Variants in MAF observed in about 807,000 individuals in gnomAD.
The protein encoded by MAF is transcription factor Maf.
A neutral mutation model predicts 22.0 loss-of-function variants in MAF; 10 were observed. The observed-to-expected ratio is 0.45, with a 90% CI of 0.28 to 0.77. MAF has a LOEUF of 0.77. MAF is among the 30% of genes least tolerant of loss of function. The probability of loss-of-function intolerance (pLI) is 0.12; values close to 1 mark genes in which losing one functional copy is unlikely to be tolerated. For synonymous variants in MAF, 337 were observed against 255.8 expected, an observed-to-expected ratio of 1.32 and a Z score of -3.03; for missense variants, 544 against 548.4, an observed-to-expected ratio of 0.99 and a Z score of 0.08.
the MAF span, among the ~76,000 whole-genome samples, chr16:79,533,717 C>T: frequency 6.6e-6 from 1 of 152,120 alleles, no homozygotes; most frequent in Non-Finnish European, 1.5e-5. Context: ...ACCTTTATTT[C>T]AATACCAGTG....
At chr16:79,262,112 G>A in the MAF span, among the ~76,000 whole-genome samples, 7 of 152,122 alleles carry the variant, frequency 4.6e-5, no homozygotes, top group East Asian at 1.9e-4. Context: ...AGTCCCTTCC[G>A]TGTACCACTC....
chr16:79,590,046 A>G (rs376042175), downstream of MAF, among the ~76,000 whole-genome samples: 9 of 152,054 alleles, frequency 5.9e-5, no homozygotes, highest in Admixed American at 3.3e-4. Flanking sequence ...CTGCGCACCT[A>G]CTGTACGCCC....
chr16:79,330,602 G>A, the MAF span, among the ~76,000 whole-genome samples: 739 of 152,316 alleles, frequency 4.9e-3, 11 homozygotes, highest in African/African-American at 0.017. Context: ...AAAGACAGAG[G>A]TCAAGGCAGA....
At chr16:79,502,334 C>T in the MAF span, among the ~76,000 whole-genome samples, 2 of 152,074 alleles carry the variant, frequency 1.3e-5, no homozygotes, top group Non-Finnish European at 2.9e-5. Context: ...TCTGTTTTAC[C>T]GAACTCTTAA....
chr16:79,296,106 T>C, the MAF span, among the ~76,000 whole-genome samples: 1 of 152,240 alleles, frequency 6.6e-6, no homozygotes, highest in Non-Finnish European at 1.5e-5. Context: ...TCGTCTCACT[T>C]GCTCTTTCTT....
At chr16:79,267,529 T>A in the MAF span, among the ~76,000 whole-genome samples, 4 of 152,104 alleles carry the variant, frequency 2.6e-5, no homozygotes. Flanking sequence ...GTACCAAGTG[T>A]GAAGATACAC....
the MAF span, among the ~76,000 whole-genome samples, chr16:79,574,351 A>G: frequency 6.6e-6 from 1 of 152,200 alleles, no homozygotes; most frequent in Non-Finnish European, 1.5e-5. Context: ...TAAATATTTT[A>G]TTGGTATCTG....
the MAF span, among the ~76,000 whole-genome samples, chr16:79,207,338 C>G: frequency 2.0e-5 from 3 of 152,234 alleles, no homozygotes; most frequent in Non-Finnish European, 2.9e-5. Flanking sequence ...ATGTGTCTTT[C>G]CTTTTAGCCA....
chr16:79,570,283 C>T, the MAF span, among the ~76,000 whole-genome samples: 3 of 152,108 alleles, frequency 2.0e-5, no homozygotes, highest in Admixed American at 6.5e-5. Flanking sequence ...CCCTGGCCTT[C>T]CAAAATGTCC....
chr16:79,211,462 T>C, the MAF span: 27 of 993,364 alleles, frequency 2.7e-5, no homozygotes, highest in African/African-American at 3.7e-4. Flanking sequence ...TCATGTGCTT[T>C]CAGCCCAGTA....
At chr16:79,366,834 TTGTTGCAGC>T in the MAF span, among the ~76,000 whole-genome samples, 3 of 152,206 alleles carry the variant, frequency 2.0e-5, no homozygotes, top group Admixed American at 2.0e-4. Context: ...GCATTGTTTG[TTGTTGCAGC>T]ATAGCCTGGC....
the MAF span, among the ~76,000 whole-genome samples, chr16:79,365,695 A>T: frequency 6.6e-6 from 1 of 152,080 alleles, no homozygotes; most frequent in African/African-American, 2.4e-5. Flanking sequence ...ATTGGCTGAG[A>T]TCAAAATGTT....
At chr16:79,236,165 C>T in the MAF span, among the ~76,000 whole-genome samples, 1 of 152,098 alleles carries the variant, frequency 6.6e-6, no homozygotes, top group African/African-American at 2.4e-5. Flanking sequence ...AACAGAATTG[C>T]TTCCTGGTGT....
chr16:79,328,172 T>C, the MAF span, among the ~76,000 whole-genome samples: 65 of 152,308 alleles, frequency 4.3e-4, no homozygotes, highest in African/African-American at 1.6e-3. Flanking sequence ...TAGTAATATA[T>C]TGCCGCCCTG....
At chr16:79,323,672 T>G in the MAF span, among the ~76,000 whole-genome samples, 2 of 152,154 alleles carry the variant, frequency 1.3e-5, no homozygotes, top group Non-Finnish European at 1.5e-5. Context: ...CTGAGGGCTC[T>G]GAAGAGACCT....
the MAF span, among the ~76,000 whole-genome samples, chr16:79,460,191 C>A: frequency 6.6e-6 from 1 of 152,016 alleles, no homozygotes. Context: ...ATGCCTTTTA[C>A]CATGCAAAAG....
At chr16:79,322,797 C>G in the MAF span, among the ~76,000 whole-genome samples, 1 of 151,900 alleles carries the variant, frequency 6.6e-6, no homozygotes, top group Admixed American at 6.6e-5. Context: ...AGGAATGTCA[C>G]CCTGTAGTCA....
At chr16:79,547,540 C>T in the MAF span, among the ~76,000 whole-genome samples, 1 of 152,000 alleles carries the variant, frequency 6.6e-6, no homozygotes, top group Non-Finnish European at 1.5e-5. Context: ...AAAAAAAAAC[C>T]TTTGTAGAAA....
chr16:79,410,646 A>T, the MAF span, among the ~76,000 whole-genome samples: 3 of 152,222 alleles, frequency 2.0e-5, no homozygotes, highest in African/African-American at 7.2e-5. Flanking sequence ...CATGGCTGTG[A>T]CATGGGATGA....
Sources: allele counts gnomAD v4.1 joint callset (sites outside exome capture counted in the v4.1 genomes callset), GRCh38; gene constraint gnomAD v4.1.1; transcripts MANE v1.5; gene names NCBI Gene and HGNC (gene_info 2026-07-23, HGNC 2026-07-21).